Variants in PHF8 observed in about 807,000 individuals in gnomAD.
PHF8 encodes histone lysine demethylase PHF8.
In PHF8, 9 loss-of-function variants were observed where a neutral mutation model predicts 74.4. The observed-to-expected ratio is 0.12, with a 90% CI of 0.07 to 0.21. The LOEUF (loss-of-function observed/expected upper bound fraction) is 0.21. Among genes scored for constraint, PHF8 ranks in the 10% least tolerant of loss-of-function variants. The pLI, the probability that PHF8 is intolerant of heterozygous loss-of-function variation, is 1.00. For missense variants in PHF8, 478 were observed against 816.6 expected (o/e 0.59, Z 5.05); for synonymous variants, 311 against 316.6 (o/e 0.98, Z 0.19).
chrX:53,943,191 G>T (rs1318530046), intron 20 of PHF8: 47 of 889,219 alleles, frequency 5.3e-5, no homozygotes, highest in Non-Finnish European at 6.9e-5. Flanking sequence ...CACTGTATTG[G>T]GATATACATA....
At chrX:53,980,942 G>A (rs1276717568) in intron 18 of PHF8, among the ~76,000 whole-genome samples, 1 of 112,903 alleles carries the variant, frequency 8.9e-6, no homozygotes, top group African/African-American at 3.2e-5. Flanking sequence ...GCTGGGCCTG[G>A]TGGCTCGCGC....
Position 53,940,610 on chromosome X carries a change from G to T in PHF8, c.2650-94C>A, listed in dbSNP as rs189646845. On this transcript the variant is annotated intron_variant, in intron 20 of 21. Coordinates refer to ENST00000338154, the MANE Select transcript of PHF8 (RefSeq NM_015107.3). Reference sequence around the variant, plus strand: ...ACTAGACAATGTCCAATATGGTTGTGCAACCTGCCACCCTCTCCCTTACCT... The same window carrying T: ...ACTAGACAATGTCCAATATGGTTGTTCAACCTGCCACCCTCTCCCTTACCT... The T allele has an allele frequency of 9.8e-6, 6 of 612,587 alleles. No homozygotes were observed. In the East Asian group the frequency reaches 2.1e-4, roughly 22 times the overall value. 50.5% of individuals were successfully genotyped at this position (612,587 alleles called of 1,213,427 possible).
In PHF8 at chrX:53,956,795, G is replaced by A. The variant is rs185682195; in HGVS notation, c.2539+6049C>T. Among the ~76,000 whole-genome samples, 5 of 110,561 alleles carry A rather than the reference G, an allele frequency of 4.5e-5. No individual in the cohort carries two copies. The East Asian group carries it at 1.1e-3, about 25-fold the overall frequency. On this transcript the variant is annotated intron_variant, in intron 19 of 21. Transcript: ENST00000338154. ...CCACATGGATAAGTGGGCAAAGGAT[G>A]TAAACAAAATTTACAATGGAAGAAA... is the stretch of plus-strand genomic sequence containing the variant.
chrX:53,944,475 G>A (rs781937353), intron 19 of PHF8: 6 of 393,496 alleles, frequency 1.5e-5, no homozygotes, highest in Non-Finnish European at 1.8e-5. Flanking sequence ...AAAAAAATGT[G>A]AACCTCCTTT....
intron 18 of PHF8, among the ~76,000 whole-genome samples, chrX:53,969,766 A>G (rs2065265237): frequency 8.9e-6 from 1 of 112,257 alleles, no homozygotes; most frequent in East Asian, 2.8e-4. Context: ...TACTGGCATT[A>G]AAACAGATAC....
At chrX:54,045,157 G>A (rs887884603), upstream of PHF8, 14 of 316,766 alleles carry the variant, frequency 4.4e-5, no homozygotes, top group Middle Eastern at 3.2e-3. Context: ...TTTCACTTCA[G>A]TTCAAATACA....
intron 19 of PHF8, 84 bp from the exon 20 acceptor site, chrX:53,944,327 G>A: frequency 1.4e-6 from 1 of 696,743 alleles, no homozygotes; most frequent in Non-Finnish European, 2.2e-6. Flanking sequence ...GCTCTCCAAA[G>A]GTACTCTCAT....
chrX:53,980,572 TAGCCCTATCAAACTAATAC>T (rs782336735), intron 18 of PHF8, among the ~76,000 whole-genome samples: 1 of 111,975 alleles, frequency 8.9e-6, no homozygotes, highest in East Asian at 2.8e-4. Flanking sequence ...TTTGTTATGA[TAGCCCTATCAAACTAATAC>T]AGGACACACA....
At chrX:53,948,041 T>C (rs1557085674) in intron 19 of PHF8, among the ~76,000 whole-genome samples, 1 of 112,012 alleles carries the variant, frequency 8.9e-6, no homozygotes, top group African/African-American at 3.2e-5. Flanking sequence ...ATTGTGCCAT[T>C]TCCAAATTCC....
chrX:53,989,011 GA>G (rs1557100574), intron 14 of PHF8, among the ~76,000 whole-genome samples: 2 of 107,315 alleles, frequency 1.9e-5, no homozygotes, highest in Non-Finnish European at 3.8e-5. Context: ...GCCCAGGCTG[GA>G]GTACAGTGGC....
chrX:54,030,116 C>T (rs1221531632), intron 2 of PHF8, among the ~76,000 whole-genome samples: 1 of 111,244 alleles, frequency 9.0e-6, no homozygotes. Flanking sequence ...GCCTTCACCA[C>T]GAGGCCTTGG....
intron 19 of PHF8, among the ~76,000 whole-genome samples, chrX:53,960,297 G>A (rs370039375): frequency 1.9e-5 from 2 of 106,970 alleles, no homozygotes; most frequent in East Asian, 3.1e-4. Flanking sequence ...GGATGGTCTC[G>A]ATCTCCTGAC....
At chrX:53,979,301 G>T (rs1162621251) in intron 18 of PHF8, among the ~76,000 whole-genome samples, 3 of 111,278 alleles carry the variant, frequency 2.7e-5, no homozygotes, top group African/African-American at 9.8e-5. Context: ...AGAATCGCTT[G>T]AACCGGGGAG....
intron 13 of PHF8, 90 bp from the exon 14 acceptor site, chrX:53,992,929 C>T (rs1250072698): frequency 1.6e-6 from 1 of 627,217 alleles, no homozygotes; most frequent in Non-Finnish European, 2.6e-6. Context: ...TGGTTCAGTT[C>T]ACTGTCAAAA....
intron 18 of PHF8, among the ~76,000 whole-genome samples, chrX:53,980,187 T>G (rs2065457593): frequency 9.0e-6 from 1 of 111,154 alleles, no homozygotes; most frequent in Admixed American, 9.7e-5. Context: ...AGGAGGAGGA[T>G]ATTATGGGTT....
At chrX:54,008,236 G>A (rs1027929722) in intron 8 of PHF8, among the ~76,000 whole-genome samples, 8 of 110,269 alleles carry the variant, frequency 7.3e-5, no homozygotes, top group African/African-American at 9.9e-5. Flanking sequence ...GCATGGTGGC[G>A]CATGCCTGTA....
rs185815446 is a variant in PHF8, at chrX:53,973,601, T to C, written c.2444-10662A>G. Among the ~76,000 whole-genome samples, 6 of 111,122 alleles carry C rather than the reference T, an allele frequency of 5.4e-5. No individual in the cohort carries two copies. In the Admixed American group the frequency reaches 5.8e-4, roughly 11 times the overall value. On this transcript the variant is annotated intron_variant, in intron 18 of 21. Coordinates refer to ENST00000338154, the MANE Select transcript of PHF8 (RefSeq NM_015107.3). ...GAACCAGGTAGCCATATGCAGAAAA[T>C]TAAAACTGGATCCCTTCCTTATACC...
upstream of PHF8, among the ~76,000 whole-genome samples, chrX:54,047,341 C>T (rs143686021): frequency 4.6e-4 from 52 of 112,028 alleles, no homozygotes; most frequent in East Asian, 0.014. Flanking sequence ...AACTGGGCTA[C>T]GCAGAAGAGA....
At chrX:54,030,456 C>CACT (rs1557112317) in intron 2 of PHF8, among the ~76,000 whole-genome samples, 1 of 111,799 alleles carries the variant, frequency 8.9e-6, no homozygotes, top group African/African-American at 3.3e-5. Flanking sequence ...AAGCCAAGCA[C>CACT]ACGGTAAGCA....
Sources: gnomAD v4.1 joint callset for allele counts (sites outside exome capture counted in the v4.1 genomes callset) on GRCh38, gnomAD v4.1.1 for gene constraint, MANE v1.5 for transcripts, NCBI Gene and HGNC (gene_info 2026-07-23, HGNC 2026-07-21) for gene names.